Variants in SORL1 observed in about 807,000 individuals in gnomAD.
SORL1 encodes the protein sortilin related receptor 1.
Under a neutral mutation model 273.7 loss-of-function variants are expected in SORL1, and 127 were observed. The observed-to-expected ratio is 0.46, with a 90% CI of 0.40 to 0.54. The LOEUF (loss-of-function observed/expected upper bound fraction) is 0.54, where lower values mean the gene tolerates loss of function less well. Among genes scored for constraint, SORL1 ranks in the 20% least tolerant of loss-of-function variants. The probability of loss-of-function intolerance (pLI) is 0.00; values close to 1 mark genes in which losing one functional copy is unlikely to be tolerated. For missense variants in SORL1, 2,494 were observed against 2,846.1 expected, an observed-to-expected ratio of 0.88 and a Z score of 2.81; for synonymous variants, 1,031 against 1,067.4, an observed-to-expected ratio of 0.97 and a Z score of 0.66.
In SORL1 at chr11:121,490,076, A is replaced by G. The variant is rs1279981185; in HGVS notation, c.724A>G (p.Ile242Val). ...GTCAGATGACTTTGGCCAGACCTGG[A>G]TCATGATTCAGGAACATGTCAAGTC... ...WKSDDFGQTW[I>V]MIQEHVKSFS... Residue 242 changes from isoleucine to valine, a missense_variant, in exon 5 of 48, where the codon ATC (isoleucine) becomes GTC (valine). This residue lies in a region of SORL1 where 710 missense variants were observed against 882.5 expected (regional missense o/e 0.80). Transcript: ENST00000260197. 1 of 1,614,030 alleles carries G rather than the reference A, an allele frequency of 6.2e-7. No homozygotes were observed. The highest frequency in any genetic ancestry group is 8.5e-7 in the Non-Finnish European group (1 of 1,179,888).
chr11:121,611,512 C>T (rs150081098), intron 39 of SORL1: 42 of 164,632 alleles, frequency 2.6e-4, no homozygotes, highest in African/African-American at 8.3e-4. Context: ...AATGCTGAGG[C>T]GCTCACAGTG....
chr11:121,599,199 C>A (rs970752051), intron 32 of SORL1, among the ~76,000 whole-genome samples: 3 of 152,120 alleles, frequency 2.0e-5, no homozygotes, highest in Non-Finnish European at 2.9e-5. Flanking sequence ...AATTTGATAT[C>A]TCTTGATACT....
chr11:121,599,264 G>T (rs1183806732), intron 32 of SORL1, among the ~76,000 whole-genome samples: 1 of 152,086 alleles, frequency 6.6e-6, no homozygotes, highest in Non-Finnish European at 1.5e-5. Context: ...AACCAAATAG[G>T]CCAGGCGCGG....
At chr11:121,499,895 T>C (rs1861687073) in intron 6 of SORL1, among the ~76,000 whole-genome samples, 1 of 152,254 alleles carries the variant, frequency 6.6e-6, no homozygotes, top group Non-Finnish European at 1.5e-5. Flanking sequence ...TTTTGCTTCC[T>C]TCCAGCACCA....
At chr11:121,495,939 A>G (rs1332908726) in intron 5 of SORL1, among the ~76,000 whole-genome samples, 1 of 152,268 alleles carries the variant, frequency 6.6e-6, no homozygotes, top group African/African-American at 2.4e-5. Flanking sequence ...CAAATACATA[A>G]TGGTGAACAA....
At chr11:121,520,393 C>G (rs954717952) in intron 8 of SORL1, among the ~76,000 whole-genome samples, 2 of 152,136 alleles carry the variant, frequency 1.3e-5, no homozygotes, top group Non-Finnish European at 2.9e-5. Flanking sequence ...TCTAGATAGG[C>G]CAATTCATAA....
chr11:121,629,153 G>A (rs1281303173), intron 47 of SORL1: 1 of 267,822 alleles, frequency 3.7e-6, no homozygotes, highest in Non-Finnish European at 7.1e-6. Context: ...CACTGTGCTA[G>A]TGTAGGGTAT....
At position 121,543,794 on chromosome 11, in the gene SORL1, C is replaced by T; in HGVS notation, c.1864+68C>T. ...GGACTTCCTGTTATGTGCAAAGCAC[C>T]AGCTTAGATACTGTGTACTCAGAAG... On this transcript the variant is annotated intron_variant, in intron 13 of 47. Coordinates refer to ENST00000260197, the MANE Select transcript of SORL1 (RefSeq NM_003105.6). 3.5e-6 allele frequency: 5 copies of T among 1,430,050 alleles called. No homozygotes were observed. The South Asian group carries it at 3.7e-5, about 10-fold the overall frequency. The allele number at this position is 1,430,050 out of a possible 1,614,324, so 88.6% of individuals were successfully genotyped here.
chr11:121,575,469 G>A (rs1862914332), intron 24 of SORL1, among the ~76,000 whole-genome samples: 1 of 152,272 alleles, frequency 6.6e-6, no homozygotes, highest in African/African-American at 2.4e-5. Flanking sequence ...TCCACGGGGG[G>A]CAGGTCCAGC....
chr11:121,507,839 CT>C (rs1861811528), intron 6 of SORL1, among the ~76,000 whole-genome samples: 1 of 151,906 alleles, frequency 6.6e-6, no homozygotes. Flanking sequence ...TGTTTCTTTG[CT>C]TGTCCTGTGA....
At position 121,488,172 on chromosome 11, in the gene SORL1, C is replaced by A; in HGVS notation, c.669C>A (p.Asp223Glu). ...SKASNLLLGFDRSHPNKQLWK... is the reference protein window; with the variant it reads ...SKASNLLLGFERSHPNKQLWK... ...CCTCCAACCTTCTCTTGGGCTTTGA[C>A]AGGTCCCACCCCAACAAGCAGGTAA... Residue 223 changes from aspartate to glutamate, a missense_variant, in exon 4 of 48, where the codon GAC (aspartate) becomes GAA (glutamate). Asp to Glu is a conservative substitution (Grantham distance 45, BLOSUM62 2). This residue lies in a region of SORL1 where 710 missense variants were observed against 882.5 expected (regional missense o/e 0.80). Coordinates refer to ENST00000260197, the MANE Select transcript of SORL1 (RefSeq NM_003105.6). The A allele has an allele frequency of 6.2e-7, 1 of 1,614,124 alleles. No individual in the cohort carries two copies. Among genetic ancestry groups the A allele is most frequent in the Non-Finnish European group, 8.5e-7 (1 of 1,179,994 alleles).
chr11:121,514,807 A>G (rs1271300203), intron 8 of SORL1, among the ~76,000 whole-genome samples: 5 of 152,128 alleles, frequency 3.3e-5, no homozygotes, highest in African/African-American at 7.2e-5. Flanking sequence ...TTGTCTGTAA[A>G]TCATGTGTTT....
chr11:121,469,829 A>G (rs1051018636), intron 1 of SORL1, among the ~76,000 whole-genome samples, 178 bp from the exon 2 acceptor site: 1 of 152,104 alleles, frequency 6.6e-6, no homozygotes, highest in South Asian at 2.1e-4. Context: ...CTTTGTGGGG[A>G]AGTTGAGTGT....
intron 3 of SORL1, among the ~76,000 whole-genome samples, chr11:121,484,436 G>A (rs909332338): frequency 1.3e-5 from 2 of 152,050 alleles, no homozygotes; most frequent in Non-Finnish European, 2.9e-5. Flanking sequence ...GAAAAAGGAA[G>A]GCACATATTT....
chr11:121,571,730 C>G (rs1396304689), intron 23 of SORL1, among the ~76,000 whole-genome samples: 3 of 152,252 alleles, frequency 2.0e-5, no homozygotes, highest in Admixed American at 2.0e-4. Flanking sequence ...ATCCTATAGA[C>G]TCCCCCTTTT....
At chr11:121,616,055 G>A (rs950462623) in intron 41 of SORL1, among the ~76,000 whole-genome samples, 1 of 152,192 alleles carries the variant, frequency 6.6e-6, no homozygotes, top group African/African-American at 2.4e-5. Context: ...GTGATGAGAA[G>A]CCCTGACCTA....
Position 121,570,209 on chromosome 11 carries a change from C to T in SORL1, c.3276C>T (p.Asn1092=), listed in dbSNP as rs767541835. ...QYRCSNGNCI[N]SIWWCDFDND... ...GCTGCAGCAACGGGAACTGTATCAA[C>T]AGCATTTGGTGGTGTGACTTTGACA... is the stretch of plus-strand genomic sequence containing the variant. The change falls in exon 23 of 48, where the codon AAC becomes AAT. Residue 1092 remains asparagine (N), a synonymous_variant. Coordinates refer to ENST00000260197, the MANE Select transcript of SORL1 (RefSeq NM_003105.6). The T allele has an allele frequency of 5.3e-5, 86 of 1,614,032 alleles. No individual in the cohort carries two copies. Among genetic ancestry groups the T allele is most frequent in the Non-Finnish European group, 6.8e-5 (80 of 1,179,930 alleles).
intron 1 of SORL1, among the ~76,000 whole-genome samples, chr11:121,462,833 C>T (rs987768300): frequency 7.9e-5 from 12 of 152,206 alleles, no homozygotes; most frequent in African/African-American, 2.7e-4. Context: ...GATCCACCCG[C>T]CTTGGCCTCC....
rs746975024 is a variant in SORL1, at chr11:121,558,645, T to C, written c.2718T>C (p.Asn906=). The C allele has an allele frequency of 1.9e-6, 3 of 1,614,024 alleles. No homozygotes were observed. Among genetic ancestry groups the C allele is most frequent in the Admixed American group, 3.3e-5 (2 of 60,016 alleles). The part of the protein sequence containing the change: ...GDLKPGIYRS[N]MDGSAAYHLV... ...TGAAGCCTGGGATTTATCGGAGCAA[T>C]ATGGATGGTTCTGCTGCCTATCACC... is the stretch of plus-strand genomic sequence containing the variant. Residue 906 remains asparagine (N), a synonymous_variant, in exon 20 of 48, where the codon AAT becomes AAC. Coordinates refer to ENST00000260197, the MANE Select transcript of SORL1 (RefSeq NM_003105.6).
Sources: gnomAD v4.1 joint callset for allele counts (sites outside exome capture counted in the v4.1 genomes callset) on GRCh38, gnomAD v4.1.1 for gene constraint, gnomAD v4.1.1 regional missense constraint, MANE v1.5 for transcripts, NCBI Gene and HGNC (gene_info 2026-07-23, HGNC 2026-07-21) for gene names.